Variants in IQCH observed in about 807,000 individuals in gnomAD.
IQCH encodes IQ domain-containing protein H.
A neutral mutation model predicts 117.0 loss-of-function variants in IQCH; 98 were observed. The ratio of observed to expected loss-of-function variants is 0.84; its 90% CI spans 0.71 to 0.99. The LOEUF (loss-of-function observed/expected upper bound fraction) is 0.99, where lower values mean the gene tolerates loss of function less well. Among genes scored for constraint, IQCH ranks in the 50% least tolerant of loss-of-function variants. IQCH has a pLI of 0.00. For synonymous variants in IQCH, 412 were observed against 448.2 expected (o/e 0.92, Z 1.02); for missense variants, 1,102 against 1,243.8 (o/e 0.89, Z 1.72).
At position 67,442,863 on chromosome 15, in the gene IQCH, G is replaced by GATAGATA. The variant is rs1555499849; in HGVS notation, c.2505+21289_2505+21290insGATAATA. ...AGATAGATAGATAGATAGATAGATA[G>GATAGATA]ATATACATATATATATATATAAAAT... On this transcript the variant is annotated intron_variant, in intron 16 of 20. Transcript: ENST00000335894. Among the ~76,000 whole-genome samples, 321 of 115,920 alleles carry GATAGATA rather than the reference G, an allele frequency of 2.8e-3. 1 individual carries two copies. Among genetic ancestry groups the GATAGATA allele is most frequent in the African/African-American group, 0.01 (306 of 29,286 alleles). The allele number at this position is 115,920 out of a possible 152,430, so 76.0% of individuals were successfully genotyped here.
rs1398120664 is a variant in IQCH, at chr15:67,445,712, C to T, written c.2506-19415C>T. Among the ~76,000 whole-genome samples the T allele has an allele frequency of 6.6e-6, 1 of 152,204 alleles. No homozygotes were observed. The highest frequency in any genetic ancestry group is 1.5e-5 in the Non-Finnish European group (1 of 68,040). Reference sequence around the variant, plus strand: ...GTGGCCTCCCAAAGTGCTGGGATAACAGGCGTGAGCCACCGCACCTGGCCT... The same window carrying T: ...GTGGCCTCCCAAAGTGCTGGGATAATAGGCGTGAGCCACCGCACCTGGCCT... On this transcript the variant is annotated intron_variant, in intron 16 of 20. Transcript: ENST00000335894. This position sits in a 1 kb window ranked among gnomAD's most constrained non-coding sequence, Gnocchi z 4.3.
Position 67,465,381 on chromosome 15 carries a change from C to CT in IQCH, c.2676+87dup. 1 of 1,400,146 alleles carries CT rather than the reference C, an allele frequency of 7.1e-7. No homozygotes were observed. Among genetic ancestry groups the CT allele is most frequent in the East Asian group, 2.3e-5 (1 of 43,758 alleles). The allele number at this position is 1,400,146 out of a possible 1,614,324, so 86.7% of individuals were successfully genotyped here. ...CTGAGCTCTGTCTAGGAGCCAGGAT[C>CT]TTTGAGTACAGGAAGAAGAAAGAGC... On this transcript the variant is annotated intron_variant, in intron 17 of 20. Transcript: ENST00000335894. The surrounding 1 kb of genome is among the most constrained non-coding windows in gnomAD (Gnocchi z 5.9).
intron 6 of IQCH, among the ~76,000 whole-genome samples, chr15:67,350,553 A>G (rs1969611118): frequency 6.6e-6 from 1 of 152,004 alleles, no homozygotes; most frequent in South Asian, 2.1e-4. Flanking sequence ...CAGCCTCCCA[A>G]GTAGCTGGGA....
In IQCH at chr15:67,365,220, A is replaced by G. The variant is rs1970289675; in HGVS notation, c.753+5335A>G. Among the ~76,000 whole-genome samples the G allele has an allele frequency of 6.6e-6, 1 of 152,226 alleles. No individual in the cohort carries two copies. The highest frequency in any genetic ancestry group is 1.9e-4 in the East Asian group (1 of 5,198). On this transcript the variant is annotated intron_variant, in intron 8 of 20. Transcript: ENST00000335894. The surrounding 1 kb of genome is among the most constrained non-coding windows in gnomAD (Gnocchi z 4.4). ...CTTGACCTCCCAAAGTGCTGGGATT[A>G]TAGGCATGAGCCACCACACCTAGCC...
At chr15:67,307,179 C>A (rs1596147117) in intron 4 of IQCH, 1 of 963,308 alleles carries the variant, frequency 1.0e-6, no homozygotes, top group Non-Finnish European at 1.3e-6. Flanking sequence ...TATACCAGTT[C>A]TTTGGTTCTA....
chr15:67,478,263 T>A (rs1408951761), intron 18 of IQCH, among the ~76,000 whole-genome samples: 1 of 152,054 alleles, frequency 6.6e-6, no homozygotes, highest in Non-Finnish European at 1.5e-5. Context: ...CATGCACCTA[T>A]AATCCCAGCT....
chr15:67,255,053 T>G, intron 1 of IQCH, 106 bp downstream of exon 1: 1 of 1,113,060 alleles, frequency 9.0e-7, no homozygotes, highest in South Asian at 1.3e-5. Context: ...GCGCCGCCCC[T>G]AGACTCCCTC....
At chr15:67,272,828 C>A (rs906678686) in intron 3 of IQCH, among the ~76,000 whole-genome samples, 1 of 152,134 alleles carries the variant, frequency 6.6e-6, no homozygotes, top group African/African-American at 2.4e-5. Flanking sequence ...GGGTTTCTTG[C>A]AGGCAGCATA....
chr15:67,455,676 A>G (rs2082642999), intron 16 of IQCH, among the ~76,000 whole-genome samples: 2 of 152,212 alleles, frequency 1.3e-5, no homozygotes, highest in African/African-American at 2.4e-5. Context: ...TCCACAGAAC[A>G]AGAGCTCTTC....
intron 4 of IQCH, among the ~76,000 whole-genome samples, chr15:67,330,317 T>A (rs559121054): frequency 6.6e-6 from 1 of 152,314 alleles, no homozygotes; most frequent in African/African-American, 2.4e-5. Flanking sequence ...ACTTGCCCTG[T>A]GGATAAGAGG....
chr15:67,367,909 A>G (rs1370156066), intron 8 of IQCH, among the ~76,000 whole-genome samples: 1 of 152,172 alleles, frequency 6.6e-6, no homozygotes, highest in Non-Finnish European at 1.5e-5. Context: ...CTGTCTTAGA[A>G]ATTAAGAAGA....
intron 16 of IQCH, among the ~76,000 whole-genome samples, chr15:67,448,277 GGTTT>G (rs2082435946): frequency 6.6e-6 from 1 of 151,852 alleles, no homozygotes; most frequent in Admixed American, 6.6e-5. Flanking sequence ...ACAACATGCA[GGTTT>G]GTTACATATG....
chr15:67,428,480 T>C (rs188485604), intron 16 of IQCH, among the ~76,000 whole-genome samples: 6 of 152,220 alleles, frequency 3.9e-5, no homozygotes, highest in African/African-American at 1.4e-4. Flanking sequence ...GCATATGTGA[T>C]TAAGTTAAGG....
chr15:67,375,033 A>T (rs1970690175), intron 10 of IQCH, among the ~76,000 whole-genome samples: 1 of 152,226 alleles, frequency 6.6e-6, no homozygotes, highest in Admixed American at 6.5e-5. Flanking sequence ...AAAAACTTCC[A>T]TGCAGTCTGC....
chr15:67,277,348 T>C (rs900610731), intron 3 of IQCH, among the ~76,000 whole-genome samples: 5 of 152,154 alleles, frequency 3.3e-5, no homozygotes, highest in African/African-American at 1.2e-4. Context: ...CTGTTTTTTT[T>C]CTTGCCTTTT....
chr15:67,406,973 AAGT>A lies in IQCH; in HGVS notation c.2097+6670_2097+6672del, dbSNP rs1971934172. The A allele has an allele frequency of 6.6e-6, 1 of 152,258 alleles. No individual in the cohort carries two copies. 9.4% of individuals were successfully genotyped at this position (152,258 alleles called of 1,614,324 possible). On this transcript the variant is annotated intron_variant, in intron 14 of 20. Transcript: ENST00000335894. The surrounding 1 kb of genome is among the most constrained non-coding windows in gnomAD (Gnocchi z 4.5). ...TAACAAAATACAGGTAACATTGAAC[AAGT>A]ACATACAACTTAATCTTTCTTTGGT...
chr15:67,260,681 A>G (rs1033173171), intron 1 of IQCH, among the ~76,000 whole-genome samples: 1 of 152,230 alleles, frequency 6.6e-6, no homozygotes, highest in Non-Finnish European at 1.5e-5. Context: ...AAGAAAGTAG[A>G]AACTATTTGA....
intron 4 of IQCH, among the ~76,000 whole-genome samples, chr15:67,324,951 G>GT (rs981784200): frequency 1.1e-4 from 17 of 151,752 alleles, no homozygotes; most frequent in South Asian, 1.0e-3. Context: ...GTAAGCTTCT[G>GT]TTTTTTTAAC....
rs902899588 is a variant in IQCH, at chr15:67,364,644, A to G, written c.753+4759A>G. On this transcript the variant is annotated intron_variant, in intron 8 of 20. Transcript: ENST00000335894. This position sits in a 1 kb window ranked among gnomAD's most constrained non-coding sequence, Gnocchi z 4.1. ...TTGATCAATTGTGACCTGATCATTC[A>G]TAGAAAATTTGGAAAATTCAGAAAA... 6.6e-6 allele frequency among the ~76,000 whole-genome samples: 1 copy of G among 152,192 alleles called. No individual in the cohort carries two copies. Among genetic ancestry groups the G allele is most frequent in the African/African-American group, 2.4e-5 (1 of 41,444 alleles).
Sources: allele counts gnomAD v4.1 joint callset (sites outside exome capture counted in the v4.1 genomes callset), GRCh38; gene constraint gnomAD v4.1.1; non-coding constraint Gnocchi (gnomAD v3.1); transcripts MANE v1.5; gene names NCBI Gene and HGNC (gene_info 2026-07-23, HGNC 2026-07-21).